Variants in SAMD5 observed in about 807,000 individuals in gnomAD.
The protein encoded by SAMD5 is sterile alpha motif domain containing 5.
SAMD5 carries 13 observed loss-of-function variants against 11.3 expected under a neutral mutation model. The ratio of observed to expected loss-of-function variants is 1.15; its 90% CI spans 0.75 to 1.83. The LOEUF is 1.83. Ranked by LOEUF, SAMD5 falls within the 40% of genes most tolerant of loss-of-function variation. SAMD5 has a pLI of 0.00. For synonymous variants in SAMD5, 129 were observed against 111.3 expected (o/e 1.16, Z -1.00); for missense variants, 255 against 239.1 (o/e 1.07, Z -0.44).
the SAMD5 span, among the ~76,000 whole-genome samples, chr6:147,869,910 C>A: frequency 1.3e-5 from 2 of 152,048 alleles, no homozygotes; most frequent in Non-Finnish European, 2.9e-5. Context: ...GAGACGGGGT[C>A]TCCTTGTATT....
the SAMD5 span, among the ~76,000 whole-genome samples, chr6:147,862,342 C>T: frequency 6.6e-6 from 1 of 152,118 alleles, no homozygotes; most frequent in Admixed American, 6.5e-5. Context: ...CCTGGAAATC[C>T]TATCCTTTGA....
chr6:147,809,141 C>T, the SAMD5 span, among the ~76,000 whole-genome samples: 1 of 152,146 alleles, frequency 6.6e-6, no homozygotes. Flanking sequence ...ATCTTTTTTG[C>T]CATTTGTCAA....
At chr6:147,733,595 A>T (rs1455564240) in intron 1 of SAMD5, 1 of 154,266 alleles carries the variant, frequency 6.5e-6, no homozygotes, top group Non-Finnish European at 1.4e-5. Context: ...GTCAAGGGGT[A>T]ATCCATTTAG....
At chr6:147,649,421 G>A (rs996754733) in intron 1 of SAMD5, among the ~76,000 whole-genome samples, 2 of 152,118 alleles carry the variant, frequency 1.3e-5, no homozygotes, top group African/African-American at 4.8e-5. Context: ...GAATTATACT[G>A]TGACTTTTTC....
intron 1 of SAMD5, among the ~76,000 whole-genome samples, chr6:147,602,516 G>A (rs1035392383): frequency 6.6e-6 from 1 of 152,140 alleles, no homozygotes; most frequent in Admixed American, 6.5e-5. Flanking sequence ...GGCCAAGGTG[G>A]GTGGATCATC....
intron 1 of SAMD5, 129 bp from the exon 2 acceptor site, chr6:147,564,264 CT>C: frequency 3.2e-6 from 2 of 627,940 alleles, no homozygotes; most frequent in South Asian, 2.1e-5. Context: ...TAGGGCTGTT[CT>C]TCAAAAGTCC....
At chr6:147,909,792 T>A in the SAMD5 span, among the ~76,000 whole-genome samples, 2,884 of 152,012 alleles carry the variant, frequency 0.019, 105 homozygotes, top group African/African-American at 0.068. Context: ...CCTAAAATAT[T>A]TACTATCCAG....
At chr6:147,798,174 G>A in the SAMD5 span, among the ~76,000 whole-genome samples, 1 of 145,394 alleles carries the variant, frequency 6.9e-6, no homozygotes, top group African/African-American at 2.6e-5. Flanking sequence ...TGTCAATTTT[G>A]GATCTTTCCT....
At chr6:147,940,308 A>G in the SAMD5 span, among the ~76,000 whole-genome samples, 1 of 151,588 alleles carries the variant, frequency 6.6e-6, no homozygotes, top group African/African-American at 2.4e-5. Context: ...GGGATTTTAT[A>G]TAACATAATG....
intron 1 of SAMD5, among the ~76,000 whole-genome samples, chr6:147,617,916 G>A (rs569696278): frequency 2.0e-4 from 30 of 152,318 alleles, no homozygotes; most frequent in Middle Eastern, 3.4e-3. Context: ...GAGCAAGTGA[G>A]TAATTTAATT....
At chr6:147,902,140 G>GA in the SAMD5 span, among the ~76,000 whole-genome samples, 1 of 151,352 alleles carries the variant, frequency 6.6e-6, no homozygotes, top group Non-Finnish European at 1.5e-5. Context: ...AATCAAGGGG[G>GA]AAAAAAAAGC....
intron 1 of SAMD5, among the ~76,000 whole-genome samples, chr6:147,522,011 T>G (rs1033581005): frequency 6.6e-6 from 1 of 152,120 alleles, no homozygotes; most frequent in African/African-American, 2.4e-5. Flanking sequence ...CAAAATCCAT[T>G]AATTTTCACC....
At chr6:147,603,367 A>G (rs1443581020) in intron 1 of SAMD5, among the ~76,000 whole-genome samples, 2 of 152,224 alleles carry the variant, frequency 1.3e-5, no homozygotes, top group Non-Finnish European at 2.9e-5. Context: ...GTTTATATTG[A>G]TGAACAGAGA....
At chr6:147,839,218 G>A in the SAMD5 span, among the ~76,000 whole-genome samples, 1 of 152,044 alleles carries the variant, frequency 6.6e-6, no homozygotes, top group Non-Finnish European at 1.5e-5. Flanking sequence ...CTGATAAAAG[G>A]GACCACATCC....
At chr6:147,539,907 C>T (rs11155502) in intron 1 of SAMD5, among the ~76,000 whole-genome samples, 71,747 of 151,962 alleles carry the variant, frequency 0.47, 17,504 homozygotes, top group East Asian at 0.61. Flanking sequence ...ACTTTAGCCA[C>T]GCCAAGCAGC....
At chr6:147,901,525 C>G in the SAMD5 span, among the ~76,000 whole-genome samples, 1 of 151,978 alleles carries the variant, frequency 6.6e-6, no homozygotes, top group Non-Finnish European at 1.5e-5. Context: ...TAGTTTTTTT[C>G]CATGCTGGAT....
At chr6:147,611,346 C>T (rs1007953460) in intron 1 of SAMD5, among the ~76,000 whole-genome samples, 18 of 151,996 alleles carry the variant, frequency 1.2e-4, no homozygotes, top group African/African-American at 3.6e-4. Context: ...CTGAGGCAAG[C>T]GGATTACCTG....
chr6:147,590,438 A>G (rs1789435874), intron 1 of SAMD5, among the ~76,000 whole-genome samples: 1 of 152,172 alleles, frequency 6.6e-6, no homozygotes, highest in Admixed American at 6.5e-5. Flanking sequence ...TTTGAAACAG[A>G]GTCTTGCTCT....
intron 1 of SAMD5, among the ~76,000 whole-genome samples, chr6:147,674,622 C>T (rs1790838946): frequency 1.3e-5 from 2 of 152,208 alleles, no homozygotes; most frequent in Non-Finnish European, 2.9e-5. Flanking sequence ...TGGATAAAAT[C>T]TCTTCCTGCC....
Sources: gnomAD v4.1 joint callset for allele counts (sites outside exome capture counted in the v4.1 genomes callset) on GRCh38, gnomAD v4.1.1 for gene constraint, MANE v1.5 for transcripts, NCBI Gene and HGNC (gene_info 2026-07-23, HGNC 2026-07-21) for gene names.